INPPL1: variants seen among roughly 807,000 people sequenced by gnomAD.
INPPL1 encodes inositol polyphosphate phosphatase like 1.
Under a neutral mutation model 139.3 loss-of-function variants are expected in INPPL1, and 91 were observed. That is an observed-to-expected ratio of 0.65 (90% confidence interval 0.55 to 0.78). INPPL1 has a LOEUF of 0.78. INPPL1 is among the 30% of genes least tolerant of loss of function. The pLI is 0.00. For missense variants in INPPL1, 1,411 were observed against 1,665.6 expected, an observed-to-expected ratio of 0.85 and a Z score of 2.66; for synonymous variants, 719 against 686.6, an observed-to-expected ratio of 1.05 and a Z score of -0.74.
chr11:72,230,924 G>A (rs777827238), intron 11 of INPPL1, 26 bp downstream of exon 11: 62 of 1,612,608 alleles, frequency 3.8e-5, no homozygotes, highest in African/African-American at 2.3e-4. Flanking sequence ...GGGCTGGGGC[G>A]GGAGAGAGGG....
intron 13 of INPPL1, 53 bp from the exon 14 acceptor site, chr11:72,232,187 T>C: frequency 7.3e-7 from 1 of 1,376,596 alleles, no homozygotes; most frequent in South Asian, 1.2e-5. Context: ...GAAGGGAGAG[T>C]TGGGAGCCCT....
At chr11:72,233,247 C>A in intron 17 of INPPL1, 84 bp downstream of exon 17, 1 of 1,243,548 alleles carries the variant, frequency 8.0e-7, no homozygotes, top group Non-Finnish European at 1.1e-6. Flanking sequence ...TGGGCCTCTG[C>A]AGCTTCCACT....
intron 10 of INPPL1, 126 bp from the exon 11 acceptor site, chr11:72,230,670 G>A: frequency 1.2e-6 from 1 of 864,718 alleles, no homozygotes; most frequent in Non-Finnish European, 1.8e-6. Flanking sequence ...TGCTTGAGCA[G>A]TGGGTATGCA....
chr11:72,223,881 C>A (rs1591264403), upstream of INPPL1: 1 of 151,354 alleles, frequency 6.6e-6, no homozygotes, highest in East Asian at 2.0e-4. Context: ...GGCGGGGGCG[C>A]GCGCGGATGG....
At chr11:72,233,315 A>G in intron 17 of INPPL1, 126 bp from the exon 18 acceptor site, 2 of 1,054,472 alleles carry the variant, frequency 1.9e-6, no homozygotes, top group Non-Finnish European at 2.9e-6. Context: ...TGAGGATCCA[A>G]GAAGGGAGGT....
rs1408995840 is a variant in INPPL1, at chr11:72,239,063, G to A, written c.*710G>A. 6.6e-6 allele frequency: 1 copy of A among 152,248 alleles called. No homozygotes were observed. The highest frequency in any genetic ancestry group is 1.9e-4 in the East Asian group (1 of 5,198). The allele number at this position is 152,248 out of a possible 1,614,324, so 9.4% of individuals were successfully genotyped here. On this transcript the variant is annotated 3_prime_UTR_variant, in exon 28 of 28. Transcript: ENST00000298229. Reference sequence around the variant, plus strand: ...CAAGCAGCCTCCTGGGCAGTCGTAAGGGTTGCGGCGTGATGTCTTCAATAA... The same window carrying A: ...CAAGCAGCCTCCTGGGCAGTCGTAAAGGTTGCGGCGTGATGTCTTCAATAA...
rs1949071699 is a variant in INPPL1 at position 72,238,660 on chromosome 11, TG to T, written c.*312del. ...CGCCTCCCAGCCCCAGGGGTGCCTG[TG>T]GGGGTCCATTTGGGTACGTCTGGGC... On this transcript the variant is annotated 3_prime_UTR_variant, in exon 28 of 28. Coordinates refer to ENST00000298229, the MANE Select transcript of INPPL1 (RefSeq NM_001567.4). 4.4e-6 allele frequency: 1 copy of T among 229,572 alleles called. No individual in the cohort carries two copies. Among genetic ancestry groups the T allele is most frequent in the Non-Finnish European group, 8.4e-6 (1 of 118,480 alleles). The allele number at this position is 229,572 out of a possible 1,614,324, so 14.2% of individuals were successfully genotyped here. A position where few individuals can be genotyped will look rare whatever the true frequency, so the allele number is the denominator to read the frequency against.
Position 72,235,723 on chromosome 11 carries a change from C to T in INPPL1, c.2708C>T (p.Pro903Leu), listed in dbSNP as rs1948968840. Residue 903 changes from proline (P) to leucine (L), a missense_variant, in exon 24 of 28, where the codon CCC (proline) becomes CTC (leucine). By Grantham distance (98) the Pro-to-Leu change is moderately conservative. Transcript: ENST00000298229. The surrounding 1 kb of genome is among the most constrained non-coding windows in gnomAD (Gnocchi z 4.9). ...GAGGCAGGAGCAAAGAGCAAAGCCC[C>T]CTCTGTGTCCCGAGGGAGCCAGGAG... The part of the protein sequence containing the change: ...KDEAGAKSKA[P>L]SVSRGSQEPR... The T allele has an allele frequency of 4.3e-6, 7 of 1,614,120 alleles. No individual in the cohort carries two copies. The South Asian group carries it at 6.6e-5, about 15-fold the overall frequency.
rs1265153748 is a variant in INPPL1, at chr11:72,235,630, C to A, written c.2660-45C>A. On this transcript the variant is annotated intron_variant, in intron 23 of 27. Coordinates refer to ENST00000298229, the MANE Select transcript of INPPL1 (RefSeq NM_001567.4). The surrounding 1 kb of genome is among the most constrained non-coding windows in gnomAD (Gnocchi z 4.9). ...CAGGCCCACTGGGTGTCTGTGGGAT[C>A]CAGGAGCCCAGGTCTCCTCTGAGTC... The A allele has an allele frequency of 6.2e-7, 1 of 1,600,278 alleles. No homozygotes were observed. The highest frequency in any genetic ancestry group is 8.6e-7 in the Non-Finnish European group (1 of 1,168,404).
intron 25 of INPPL1, among the ~76,000 whole-genome samples, chr11:72,236,427 G>A (rs776575272): frequency 6.6e-6 from 1 of 152,212 alleles, no homozygotes; most frequent in Non-Finnish European, 1.5e-5. Flanking sequence ...GACATTCCCA[G>A]TGCATGTTAG....
At chr11:72,225,361 G>A (rs1591266731) in intron 1 of INPPL1, 195 bp downstream of exon 1, 4 of 985,452 alleles carry the variant, frequency 4.1e-6, no homozygotes, top group Non-Finnish European at 4.8e-6. Context: ...GTGTCTGGGG[G>A]CACTTTCAGG....
rs1948943807 is a variant in INPPL1 at position 72,234,981 on chromosome 11, T to C, written c.2416-135T>C. 2 of 714,788 alleles carry C rather than the reference T, an allele frequency of 2.8e-6. No individual in the cohort carries two copies. The highest frequency in any genetic ancestry group is 4.8e-6 in the Non-Finnish European group (2 of 417,744). The allele number at this position is 714,788 out of a possible 1,614,324, so 44.3% of individuals were successfully genotyped here. A position where few individuals can be genotyped will look rare whatever the true frequency, so the allele number is the denominator to read the frequency against. ...GTCTTCTGCATTAAGGATTTGGCTC[T>C]TCTCTGAAGAGTTGAGTGTGAGTGA... On this transcript the variant is annotated intron_variant, in intron 21 of 27. Coordinates refer to ENST00000298229, the MANE Select transcript of INPPL1 (RefSeq NM_001567.4). The surrounding 1 kb of genome is among the most constrained non-coding windows in gnomAD (Gnocchi z 4.2).
In INPPL1 at chr11:72,238,038, T is replaced by C; in HGVS notation, c.3553-4T>C. On this transcript the variant is annotated splice_region_variant and splice_polypyrimidine_tract_variant and intron_variant, in intron 26 of 27. Coordinates refer to ENST00000298229, the MANE Select transcript of INPPL1 (RefSeq NM_001567.4). Reference sequence around the variant, plus strand: ...GCTCCCCCTGACATGCCCTGTTTCCTTAGGCTCCGTGCCTGCAGGGCGGGC... The same window carrying C: ...GCTCCCCCTGACATGCCCTGTTTCCCTAGGCTCCGTGCCTGCAGGGCGGGC... The C allele has an allele frequency of 1.3e-6, 2 of 1,538,844 alleles. No individual in the cohort carries two copies. The highest frequency in any genetic ancestry group is 1.7e-6 in the Non-Finnish European group (2 of 1,145,082).
In INPPL1 at chr11:72,231,054, C is replaced by A. The variant is rs1417827037; in HGVS notation, c.1362C>A (p.Thr454=). 6.2e-7 allele frequency: 1 copy of A among 1,614,022 alleles called. No homozygotes were observed. The highest frequency in any genetic ancestry group is 8.5e-7 in the Non-Finnish European group (1 of 1,180,034). Residue 454 remains threonine, a synonymous_variant, in exon 12 of 28, where the codon ACC becomes ACA. Transcript: ENST00000298229. The stretch of plus-strand genomic sequence containing the variant: ...TCACATCGAAGGGTCTGGGGAAGAC[C>A]CTGGACGAGGTCACAGTGACCATAC... ...SWFTSKGLGK[T]LDEVTVTIPH...
chr11:72,231,063 G>T lies in INPPL1; in HGVS notation c.1371G>T (p.Glu457Asp). Residue 457 changes from glutamate (E) to aspartate (D), a missense_variant, in exon 12 of 28, where the codon GAG becomes GAT. Coordinates refer to ENST00000298229, the MANE Select transcript of INPPL1 (RefSeq NM_001567.4). ...AGGGTCTGGGGAAGACCCTGGACGA[G>T]GTCACAGTGACCATACCCCATGACA... ...TSKGLGKTLD[E>D]VTVTIPHDIY... 5 of 1,614,174 alleles carry T rather than the reference G, an allele frequency of 3.1e-6. No individual in the cohort carries two copies. The highest frequency in any genetic ancestry group is 4.2e-6 in the Non-Finnish European group (5 of 1,180,028).
Position 72,233,689 on chromosome 11 carries a change from C to T in INPPL1, c.2157C>T (p.Ser719=). ...CTDDIVTSDH[S]PVFGTFEVGV... ...ATGACATCGTCACCAGCGACCATTC[C>T]CCCGTGTTTGGGACATTTGAGGTTG... is the stretch of plus-strand genomic sequence containing the variant. Residue 719 remains serine (S), a synonymous_variant, in exon 19 of 28, where the codon TCC becomes TCT. Coordinates refer to ENST00000298229, the MANE Select transcript of INPPL1 (RefSeq NM_001567.4). 6.2e-7 allele frequency: 1 copy of T among 1,614,160 alleles called. No individual in the cohort carries two copies. Among genetic ancestry groups the T allele is most frequent in the South Asian group, 1.1e-5 (1 of 91,082 alleles).
rs1296487526 is a variant in INPPL1 at position 72,238,389 on chromosome 11, C to T, written c.*36C>T. ...ACCACGAAGCTGTGAACTCAGAGCC[C>T]CTCCCTGCTACCAAGGCCCAGCTAT... On this transcript the variant is annotated 3_prime_UTR_variant, in exon 28 of 28. Coordinates refer to ENST00000298229, the MANE Select transcript of INPPL1 (RefSeq NM_001567.4). 3.4e-6 allele frequency: 5 copies of T among 1,491,246 alleles called. No homozygotes were observed. The highest frequency in any genetic ancestry group is 1.9e-4 in the Middle Eastern group (1 of 5,238). 92.4% of individuals were successfully genotyped at this position (1,491,246 alleles called of 1,614,324 possible).
At chr11:72,233,358 G>A in intron 17 of INPPL1, 83 bp from the exon 18 acceptor site, 1 of 1,211,258 alleles carries the variant, frequency 8.3e-7, no homozygotes, top group Non-Finnish European at 1.2e-6. Flanking sequence ...AGAAGTGTGG[G>A]GACTCATCAG....
At position 72,239,117 on chromosome 11, in the gene INPPL1, T is replaced by G. The variant is rs1258949746; in HGVS notation, c.*764T>G. ...AAGTTTTATTTGGATTGAGTAAAAC[T>G]TCAATAAATTACAAGTTTTTCAAAG... On this transcript the variant is annotated 3_prime_UTR_variant, in exon 28 of 28. Transcript: ENST00000298229. 6.6e-6 allele frequency: 1 copy of G among 152,116 alleles called. No individual in the cohort carries two copies. Among genetic ancestry groups the G allele is most frequent in the Non-Finnish European group, 1.5e-5 (1 of 68,042 alleles). The allele number at this position is 152,116 out of a possible 1,614,324, so 9.4% of individuals were successfully genotyped here. A position where few individuals can be genotyped will look rare whatever the true frequency, so the allele number is the denominator to read the frequency against.
Sources: allele counts gnomAD v4.1 joint callset (sites outside exome capture counted in the v4.1 genomes callset), GRCh38; gene constraint gnomAD v4.1.1; non-coding constraint Gnocchi (gnomAD v3.1); transcripts MANE v1.5; gene names NCBI Gene and HGNC (gene_info 2026-07-23, HGNC 2026-07-21).